EVI5: variants seen among roughly 807,000 people sequenced by gnomAD.
The protein encoded by EVI5 is ecotropic viral integration site 5.
In EVI5, 73 loss-of-function variants were observed where a neutral mutation model predicts 112.0. The ratio of observed to expected loss-of-function variants is 0.65; its 90% CI spans 0.54 to 0.79. EVI5 has a LOEUF of 0.79. EVI5 is among the 30% of genes least tolerant of loss of function. The probability of loss-of-function intolerance (pLI) is 0.00; values close to 1 mark genes in which losing one functional copy is unlikely to be tolerated. For synonymous variants in EVI5, 305 were observed against 319.9 expected (o/e 0.95, Z 0.50); for missense variants, 900 against 968.8 (o/e 0.93, Z 0.94).
intron 15 of EVI5, 142 bp downstream of exon 15, chr1:92,625,652 A>G (rs1404126207): frequency 1.6e-6 from 1 of 611,736 alleles, no homozygotes; most frequent in Non-Finnish European, 2.9e-6. Context: ...CAGTTTATAA[A>G]TACTCTCAAT....
In EVI5 at chr1:92,702,146, T is replaced by TA; in HGVS notation, c.633dup (p.Met212TyrfsTer14). 1 of 1,472,058 alleles carries TA rather than the reference T, an allele frequency of 6.8e-7. No individual in the cohort carries two copies. Among genetic ancestry groups the TA allele is most frequent in the Non-Finnish European group, 9.2e-7 (1 of 1,092,550 alleles). 91.2% of individuals were successfully genotyped at this position (1,472,058 alleles called of 1,614,324 possible). A position where few individuals can be genotyped will look rare whatever the true frequency, so the allele number is the denominator to read the frequency against. On this transcript the variant is annotated frameshift_variant, in exon 5 of 20. Transcript: ENST00000684568. LOFTEE classifies it high-confidence loss of function. ...TAATACTTATATTAACTTACCTGCA[T>TA]AAGCAACAATCCAACTATAAAAGCA...
chr1:92,556,414 T>C (rs913783192), intron 19 of EVI5, among the ~76,000 whole-genome samples: 5 of 152,160 alleles, frequency 3.3e-5, no homozygotes, highest in Admixed American at 2.0e-4. Flanking sequence ...AGAGGACATA[T>C]AGTAAGTTCT....
At chr1:92,791,358 G>GCTC (rs1686077044) in intron 1 of EVI5, among the ~76,000 whole-genome samples, 1 of 152,104 alleles carries the variant, frequency 6.6e-6, no homozygotes, top group East Asian at 1.9e-4. Context: ...AGCTCTTCAA[G>GCTC]CTCCAATCTT....
intron 19 of EVI5, among the ~76,000 whole-genome samples, chr1:92,518,476 A>T (rs1183694979): frequency 6.6e-6 from 1 of 152,112 alleles, no homozygotes. Context: ...CCCCAAAAGG[A>T]TCTCAGTTTG....
intron 13 of EVI5, chr1:92,647,737 A>G (rs1304920974): frequency 5.6e-6 from 1 of 180,134 alleles, no homozygotes; most frequent in Non-Finnish European, 1.2e-5. Context: ...GAGGTCAATA[A>G]CATTTTTTGA....
In EVI5 at chr1:92,638,099, G is replaced by A. The variant is rs371770713; in HGVS notation, c.1393-1763C>T. On this transcript the variant is annotated intron_variant, in intron 13 of 19. Transcript: ENST00000684568. ...AGAATTTTTTTGCCCTCAACTTAAA[G>A]CCCTGGCAACTGTAGCACAGGTTTG... 9.3e-4 allele frequency among the ~76,000 whole-genome samples: 142 copies of A among 152,160 alleles called. 1 individual carries two copies. The highest frequency in any genetic ancestry group is 3.3e-3 in the African/African-American group (137 of 41,536).
chr1:92,714,991 C>G (rs1202443236), intron 2 of EVI5, among the ~76,000 whole-genome samples: 3 of 152,096 alleles, frequency 2.0e-5, no homozygotes, highest in African/African-American at 7.2e-5. Context: ...CCCATGGATT[C>G]TGAGTTTTAA....
At chr1:92,616,729 C>T (rs1238321827) in intron 16 of EVI5, among the ~76,000 whole-genome samples, 3 of 152,156 alleles carry the variant, frequency 2.0e-5, no homozygotes, top group East Asian at 3.8e-4. Flanking sequence ...TGAGAGACAG[C>T]TGTTGGCCTG....
intron 18 of EVI5, among the ~76,000 whole-genome samples, chr1:92,601,219 T>C (rs1649108026): frequency 6.6e-6 from 1 of 152,172 alleles, no homozygotes; most frequent in Non-Finnish European, 1.5e-5. Flanking sequence ...CCTGTTAGAA[T>C]GGCCATTATC....
rs200063630 is a variant in EVI5 at position 92,513,510 on chromosome 1, AATATAT to A, written c.*140_*145del. On this transcript the variant is annotated 3_prime_UTR_variant, in exon 20 of 20. Transcript: ENST00000684568. ...GATAAAAAGGCAGATAAGACTGTAA[AATATAT>A]ATATATATATATATATATATATATA... The A allele has an allele frequency of 1.8e-3, 313 of 172,438 alleles. No individual in the cohort carries two copies. The highest frequency in any genetic ancestry group is 2.5e-3 in the Non-Finnish European group (225 of 90,674). 10.7% of individuals were successfully genotyped at this position (172,438 alleles called of 1,614,324 possible). A position where few individuals can be genotyped will look rare whatever the true frequency, so the allele number is the denominator to read the frequency against.
chr1:92,717,608 C>G (rs1317083972), intron 2 of EVI5, among the ~76,000 whole-genome samples: 1 of 152,138 alleles, frequency 6.6e-6, no homozygotes, highest in Non-Finnish European at 1.5e-5. Context: ...CTGTAAAGAC[C>G]ATCGACACTA....
At chr1:92,714,256 AT>A (rs1356321001) in intron 2 of EVI5, 2 of 390,740 alleles carry the variant, frequency 5.1e-6, no homozygotes, top group South Asian at 1.0e-4. Flanking sequence ...AGAATTTGAT[AT>A]TTTCATGTTT....
chr1:92,753,254 C>A (rs1680461845), intron 1 of EVI5, among the ~76,000 whole-genome samples: 1 of 152,198 alleles, frequency 6.6e-6, no homozygotes, highest in South Asian at 2.1e-4. Flanking sequence ...CCTTGGAAGG[C>A]CAAGGCAGGA....
chr1:92,782,795 T>C (rs1570956340), intron 1 of EVI5, among the ~76,000 whole-genome samples: 1 of 152,182 alleles, frequency 6.6e-6, no homozygotes, highest in Non-Finnish European at 1.5e-5. Flanking sequence ...GTTCACTTAG[T>C]AAAAATTCAT....
intron 2 of EVI5, among the ~76,000 whole-genome samples, chr1:92,719,450 T>G (rs1338080269): frequency 6.9e-6 from 1 of 144,360 alleles, no homozygotes; most frequent in Non-Finnish European, 1.5e-5. Context: ...AAAAACCACA[T>G]GATTATCTCA....
rs565205596 is a variant in EVI5, at chr1:92,532,490, C to T, written c.2167-18520G>A. On this transcript the variant is annotated intron_variant, in intron 19 of 19. Coordinates refer to ENST00000684568, the MANE Select transcript of EVI5 (RefSeq NM_001350197.2). ...AAATCAACAGAATATATGTTCTTCT[C>T]GGCACCGCATCACACTTATTCTAAA... Among the ~76,000 whole-genome samples the T allele has an allele frequency of 5.0e-4, 76 of 152,252 alleles. 1 individual carries two copies. In the South Asian group the frequency reaches 0.015, roughly 30 times the overall value.
Position 92,513,137 on chromosome 1 carries a change from ATC to A in EVI5, c.*517_*518del, listed in dbSNP as rs1659293905. On this transcript the variant is annotated 3_prime_UTR_variant, in exon 20 of 20. Coordinates refer to ENST00000684568, the MANE Select transcript of EVI5 (RefSeq NM_001350197.2). Reference sequence around the variant, plus strand: ...CACTCCAGCCTGGGTGACAGACTGAATCTCTGTCTTAAAAAAAAAAACAACAA... The same window carrying A: ...CACTCCAGCCTGGGTGACAGACTGAATCTGTCTTAAAAAAAAAAACAACAA... 1 of 147,232 alleles carries A rather than the reference ATC, an allele frequency of 6.8e-6. No individual in the cohort carries two copies. The allele number at this position is 147,232 out of a possible 1,614,324, so 9.1% of individuals were successfully genotyped here. A position where few individuals can be genotyped will look rare whatever the true frequency, so the allele number is the denominator to read the frequency against.
chr1:92,714,318 A>C lies in EVI5; in HGVS notation c.150-9574T>G, dbSNP rs147478655. 288 of 179,218 alleles carry C rather than the reference A, an allele frequency of 1.6e-3. 4 individuals are homozygous for C. Among genetic ancestry groups the C allele is most frequent in the African/African-American group, 6.3e-3 (264 of 42,094 alleles). 11.1% of individuals were successfully genotyped at this position (179,218 alleles called of 1,614,324 possible). ...TATTTTTATACTTTCTGAATCAAAG[A>C]GAGTGAACACAACCAGAGAATCATC... On this transcript the variant is annotated intron_variant, in intron 2 of 19. Transcript: ENST00000684568.
At chr1:92,631,622 G>A (rs1046658146) in intron 14 of EVI5, among the ~76,000 whole-genome samples, 3 of 152,180 alleles carry the variant, frequency 2.0e-5, no homozygotes, top group African/African-American at 7.2e-5. Flanking sequence ...CATGTCATCT[G>A]CAAACAGGGA....
Sources: allele counts gnomAD v4.1 joint callset (sites outside exome capture counted in the v4.1 genomes callset), GRCh38; gene constraint gnomAD v4.1.1; transcripts MANE v1.5; gene names NCBI Gene and HGNC (gene_info 2026-07-23, HGNC 2026-07-21).